ZNF365: variants seen among roughly 807,000 people sequenced by gnomAD.
The protein encoded by ZNF365 is zinc finger protein 365.
ZNF365 carries 22 observed loss-of-function variants against 35.0 expected under a neutral mutation model. The observed-to-expected ratio is 0.63, with a 90% CI of 0.45 to 0.90. The LOEUF (loss-of-function observed/expected upper bound fraction) is 0.90, where lower values mean the gene tolerates loss of function less well. Among genes scored for constraint, ZNF365 ranks in the 40% least tolerant of loss-of-function variants. ZNF365 has a pLI of 0.00. For synonymous variants in ZNF365, 188 were observed against 196.2 expected, an observed-to-expected ratio of 0.96 and a Z score of 0.35; for missense variants, 448 against 500.3, an observed-to-expected ratio of 0.90 and a Z score of 1.00.
At chr10:62,378,439 C>G (rs1008951428) in intron 2 of ZNF365, among the ~76,000 whole-genome samples, 1 of 151,986 alleles carries the variant, frequency 6.6e-6, no homozygotes, top group Admixed American at 6.5e-5. Flanking sequence ...GTGATGGGTT[C>G]AAGAATGCTT....
chr10:62,476,357 G>T (rs1219878035), intron 4 of ZNF365, among the ~76,000 whole-genome samples: 2 of 152,132 alleles, frequency 1.3e-5, no homozygotes, highest in Non-Finnish European at 2.9e-5. Context: ...GATTCTAACT[G>T]ATCTTTCCTC....
intron 3 of ZNF365, among the ~76,000 whole-genome samples, chr10:62,409,224 G>A (rs558250597): frequency 6.6e-6 from 1 of 152,240 alleles, no homozygotes; most frequent in African/African-American, 2.4e-5. Flanking sequence ...GAGAGTGGAG[G>A]CAGCAGCTCC....
chr10:62,458,703 T>A (rs1353159019), intron 3 of ZNF365, among the ~76,000 whole-genome samples: 3 of 152,180 alleles, frequency 2.0e-5, no homozygotes, highest in South Asian at 2.1e-4. Context: ...TATTATTTTT[T>A]AATAATATTA....
chr10:62,404,276 G>A (rs187984503), downstream of ZNF365, among the ~76,000 whole-genome samples: 327 of 152,322 alleles, frequency 2.1e-3, no homozygotes, highest in Middle Eastern at 3.4e-3. Context: ...CCTGTGAGAA[G>A]AGGAGAGATT....
intron 3 of ZNF365, among the ~76,000 whole-genome samples, chr10:62,426,637 C>A (rs1305578166): frequency 6.6e-6 from 1 of 152,074 alleles, no homozygotes; most frequent in African/African-American, 2.4e-5. Flanking sequence ...AAGAGGAAGG[C>A]AGGCTAGAGC....
At chr10:62,453,287 T>C (rs1201105794) in intron 3 of ZNF365, among the ~76,000 whole-genome samples, 3 of 152,142 alleles carry the variant, frequency 2.0e-5, no homozygotes, top group Admixed American at 1.3e-4. Context: ...TCCCTTTCAC[T>C]CTCTCACCCT....
intron 3 of ZNF365, among the ~76,000 whole-genome samples, chr10:62,419,896 A>G (rs141396754): frequency 6.6e-6 from 1 of 152,196 alleles, no homozygotes; most frequent in East Asian, 1.9e-4. Flanking sequence ...TATGATCATT[A>G]TTGTAAGTTT....
At chr10:62,409,283 T>C (rs1218713624) in intron 3 of ZNF365, among the ~76,000 whole-genome samples, 1 of 152,170 alleles carries the variant, frequency 6.6e-6, no homozygotes, top group African/African-American at 2.4e-5. Context: ...AGCAGAATCC[T>C]AGTGTTTTCA....
chr10:62,458,657 C>G (rs904640874), intron 3 of ZNF365, among the ~76,000 whole-genome samples: 26 of 152,116 alleles, frequency 1.7e-4, no homozygotes, highest in African/African-American at 6.3e-4. Flanking sequence ...TTCTTAAAAC[C>G]ACTTGGGGAA....
intron 4 of ZNF365, among the ~76,000 whole-genome samples, chr10:62,474,687 T>C (rs1841099006): frequency 1.3e-5 from 2 of 152,230 alleles, no homozygotes; most frequent in Admixed American, 6.5e-5. Context: ...TCTTCTGAGC[T>C]TCAGATATGC....
intron 3 of ZNF365, among the ~76,000 whole-genome samples, chr10:62,426,291 A>T: frequency 6.6e-6 from 1 of 152,016 alleles, no homozygotes; most frequent in East Asian, 1.9e-4. Flanking sequence ...AGCTGAAACT[A>T]ATCTGAATCA....
At chr10:62,386,843 G>A (rs566592406) in intron 2 of ZNF365, among the ~76,000 whole-genome samples, 10 of 152,100 alleles carry the variant, frequency 6.6e-5, no homozygotes, top group Non-Finnish European at 1.2e-4. Context: ...TTGAGAAGAT[G>A]TAGAGAAGCC....
intron 3 of ZNF365, among the ~76,000 whole-genome samples, chr10:62,428,937 A>G (rs1251602825): frequency 6.6e-6 from 1 of 152,178 alleles, no homozygotes; most frequent in Non-Finnish European, 1.5e-5. Flanking sequence ...AAATGCTTAC[A>G]CTGTGGCCAA....
chr10:62,467,139 G>A (rs1306254381), intron 4 of ZNF365, among the ~76,000 whole-genome samples: 2 of 152,142 alleles, frequency 1.3e-5, no homozygotes, highest in Non-Finnish European at 2.9e-5. Context: ...CAAGGCAACT[G>A]GAATAAAATG....
At chr10:62,477,076 G>T (rs895292877) in intron 4 of ZNF365, among the ~76,000 whole-genome samples, 2 of 152,156 alleles carry the variant, frequency 1.3e-5, no homozygotes, top group Non-Finnish European at 2.9e-5. Context: ...GGCATGGGGG[G>T]GATTAAAAAG....
chr10:62,394,770 A>G (rs771479657), intron 3 of ZNF365, among the ~76,000 whole-genome samples: 2 of 152,206 alleles, frequency 1.3e-5, no homozygotes, highest in African/African-American at 2.4e-5. Context: ...CTTTAATGCT[A>G]TAAGTCACCT....
intron 3 of ZNF365, among the ~76,000 whole-genome samples, chr10:62,446,426 T>C (rs1840590124): frequency 6.6e-6 from 1 of 152,140 alleles, no homozygotes; most frequent in Admixed American, 6.5e-5. Flanking sequence ...ATTAGGTAGT[T>C]GAGAATATTA....
chr10:62,402,493 C>T (rs140892836), downstream of ZNF365: 917 of 981,740 alleles, frequency 9.3e-4, 8 homozygotes, highest in African/African-American at 0.015. Flanking sequence ...TTTTGGGGAG[C>T]CAAGTATGTT....
chr10:62,375,027 G>A (rs1233019202), intron 1 of ZNF365, among the ~76,000 whole-genome samples: 2 of 152,172 alleles, frequency 1.3e-5, no homozygotes, highest in African/African-American at 2.4e-5. Context: ...CTCGCTGCCT[G>A]GGGACCATTT....
Sources: allele counts gnomAD v4.1 joint callset (sites outside exome capture counted in the v4.1 genomes callset), GRCh38; gene constraint gnomAD v4.1.1; transcripts MANE v1.5; gene names NCBI Gene and HGNC (gene_info 2026-07-23, HGNC 2026-07-21).